The following GLIS3 variants were observed in gnomAD, a reference collection of about 807,000 sequenced individuals.
The protein encoded by GLIS3 is GLIS family zinc finger 3.
GLIS3 carries 53 observed loss-of-function variants against 78.6 expected under a neutral mutation model. The ratio of observed to expected loss-of-function variants is 0.67; its 90% CI spans 0.54 to 0.85. GLIS3 has a LOEUF of 0.85. GLIS3 is among the 40% of genes least tolerant of loss of function. The pLI, the probability that GLIS3 is intolerant of heterozygous loss-of-function variation, is 0.00. For missense variants in GLIS3, 1,703 were observed against 1,231.1 expected (o/e 1.38, Z -5.74); for synonymous variants, 684 against 509.9 (o/e 1.34, Z -4.60).
chr9:4,487,224 G>A, the GLIS3 span, among the ~76,000 whole-genome samples: 4,021 of 152,152 alleles, frequency 0.026, 177 homozygotes, highest in African/African-American at 0.092. Flanking sequence ...AAGAGTTCTC[G>A]TGGGTCTGAA....
chr9:4,087,893 C>T (rs1046506374), intron 4 of GLIS3, among the ~76,000 whole-genome samples: 1 of 152,174 alleles, frequency 6.6e-6, no homozygotes, highest in Admixed American at 6.5e-5. Flanking sequence ...TTTATCCATA[C>T]CTTGGTTACC....
chr9:4,206,009 C>G (rs2380947), intron 2 of GLIS3, among the ~76,000 whole-genome samples: 57,318 of 151,512 alleles, frequency 0.38, 11,668 homozygotes, highest in South Asian at 0.62. Flanking sequence ...ATGCAAGATA[C>G]CTGAATCTGA....
intron 2 of GLIS3, among the ~76,000 whole-genome samples, chr9:4,222,271 A>G (rs764210780): frequency 6.6e-6 from 1 of 152,084 alleles, no homozygotes; most frequent in African/African-American, 2.4e-5. Flanking sequence ...CTCTTCTCCT[A>G]TTGCAACCCC....
At chr9:4,365,647 G>C in the GLIS3 span, among the ~76,000 whole-genome samples, 1 of 152,162 alleles carries the variant, frequency 6.6e-6, no homozygotes, top group Admixed American at 6.5e-5. Flanking sequence ...TGCTCACTTG[G>C]ATGGACAAAA....
At chr9:4,272,384 G>A (rs1009571827) in intron 2 of GLIS3, among the ~76,000 whole-genome samples, 3 of 152,046 alleles carry the variant, frequency 2.0e-5, no homozygotes, top group African/African-American at 7.2e-5. Context: ...CTAACCTTTT[G>A]AGGCAATCTC....
intron 2 of GLIS3, among the ~76,000 whole-genome samples, chr9:4,209,035 G>T (rs1820131557): frequency 6.6e-6 from 1 of 152,120 alleles, no homozygotes; most frequent in Non-Finnish European, 1.5e-5. Flanking sequence ...CCATGCTACT[G>T]CTCATGCCAG....
chr9:4,211,312 G>A (rs1238071532), intron 2 of GLIS3, among the ~76,000 whole-genome samples: 1 of 152,172 alleles, frequency 6.6e-6, no homozygotes, highest in Non-Finnish European at 1.5e-5. Context: ...AATTCTCACT[G>A]GATGGCTGTC....
rs543057696 is a variant in GLIS3, at chr9:4,024,227, C to A, written c.1711-87038G>T. 2.0e-5 allele frequency among the ~76,000 whole-genome samples: 3 copies of A among 152,240 alleles called. No individual in the cohort carries two copies. In the East Asian group the frequency reaches 5.8e-4, roughly 29 times the overall value. ...TGCAGGTGTTCAGACCGAGACTGTA[C>A]AGTGAATTAAATAAACCTTCTCAAA... On this transcript the variant is annotated intron_variant, in intron 4 of 10. Coordinates refer to ENST00000381971, the MANE Select transcript of GLIS3 (RefSeq NM_001042413.2).
chr9:4,431,645 G>T, the GLIS3 span, among the ~76,000 whole-genome samples: 1 of 152,128 alleles, frequency 6.6e-6, no homozygotes, highest in African/African-American at 2.4e-5. Context: ...AGGAGTTCGA[G>T]ACCAGCCTGA....
intron 8 of GLIS3, among the ~76,000 whole-genome samples, chr9:3,876,999 A>G (rs1316690715): frequency 4.6e-5 from 7 of 152,030 alleles, no homozygotes; most frequent in Admixed American, 3.3e-4. Context: ...ATCTTTTTCT[A>G]CATGTATTCT....
the GLIS3 span, among the ~76,000 whole-genome samples, chr9:4,384,226 T>C: frequency 6.6e-6 from 1 of 152,170 alleles, no homozygotes; most frequent in Non-Finnish European, 1.5e-5. Flanking sequence ...CTGGACCTTA[T>C]AAGGGGTTTC....
At chr9:4,056,216 T>A (rs1434682715) in intron 4 of GLIS3, among the ~76,000 whole-genome samples, 1 of 152,198 alleles carries the variant, frequency 6.6e-6, no homozygotes, top group African/African-American at 2.4e-5. Flanking sequence ...AATTTATCTC[T>A]AAAAGCCCTT....
At chr9:4,403,389 G>A in the GLIS3 span, among the ~76,000 whole-genome samples, 1 of 152,150 alleles carries the variant, frequency 6.6e-6, no homozygotes, top group African/African-American at 2.4e-5. Flanking sequence ...ACTGGTAATA[G>A]TAAGCACACA....
chr9:4,253,427 C>T (rs935548487), intron 2 of GLIS3, among the ~76,000 whole-genome samples: 3 of 152,356 alleles, frequency 2.0e-5, no homozygotes, highest in East Asian at 1.9e-4. Flanking sequence ...ACCACCTACT[C>T]AAGCTTCAGT....
At chr9:4,481,016 G>T in the GLIS3 span, among the ~76,000 whole-genome samples, 412 of 152,080 alleles carry the variant, frequency 2.7e-3, 2 homozygotes, top group African/African-American at 9.6e-3. Flanking sequence ...CACCACACCT[G>T]GCTAATTTTT....
chr9:4,405,152 C>T, the GLIS3 span, among the ~76,000 whole-genome samples: 5 of 151,924 alleles, frequency 3.3e-5, no homozygotes, highest in African/African-American at 4.8e-5. Flanking sequence ...GTTGGGAGTT[C>T]GAGATCAACC....
intron 4 of GLIS3, among the ~76,000 whole-genome samples, chr9:4,049,816 A>G (rs1345334803): frequency 1.3e-5 from 2 of 152,238 alleles, no homozygotes; most frequent in African/African-American, 2.4e-5. Flanking sequence ...TCGAAAGAAG[A>G]CATTTATGCA....
chr9:4,126,052 C>T (rs1198543766), intron 2 of GLIS3, 111 bp from the exon 3 acceptor site: 2 of 828,210 alleles, frequency 2.4e-6, no homozygotes, highest in Non-Finnish European at 4.0e-6. Context: ...GTCCTCAGAT[C>T]ATTTTTTTTT....
chr9:4,015,381 T>G (rs1405649968), intron 4 of GLIS3, among the ~76,000 whole-genome samples: 1 of 152,184 alleles, frequency 6.6e-6, no homozygotes, highest in Non-Finnish European at 1.5e-5. Flanking sequence ...AAAATGTTAA[T>G]GAGATGTTAC....
Sources: allele counts gnomAD v4.1 joint callset (sites outside exome capture counted in the v4.1 genomes callset), GRCh38; gene constraint gnomAD v4.1.1; transcripts MANE v1.5; gene names NCBI Gene and HGNC (gene_info 2026-07-23, HGNC 2026-07-21).